The following KTN1 variants were observed in gnomAD, a reference collection of about 807,000 sequenced individuals.
The protein encoded by KTN1 is kinectin.
KTN1 carries 130 observed loss-of-function variants against 222.5 expected under a neutral mutation model. The ratio of observed to expected loss-of-function variants is 0.58; its 90% CI spans 0.51 to 0.68. The LOEUF is 0.68. KTN1 is among the 30% of genes least tolerant of loss of function. The pLI is 0.00. For synonymous variants in KTN1, 512 were observed against 496.3 expected, an observed-to-expected ratio of 1.03 and a Z score of -0.42; for missense variants, 1,508 against 1,500.4, an observed-to-expected ratio of 1.01 and a Z score of -0.08.
chr14:55,649,187 A>G (rs1363802878), intron 21 of KTN1, among the ~76,000 whole-genome samples: 3 of 152,168 alleles, frequency 2.0e-5, no homozygotes, highest in African/African-American at 7.2e-5. Flanking sequence ...TTAGCTTCCT[A>G]AAGTGTTGGA....
At position 55,618,109 on chromosome 14, in the gene KTN1, A is replaced by C; in HGVS notation, c.807A>C (p.Lys269Asn). 1 of 1,611,914 alleles carries C rather than the reference A, an allele frequency of 6.2e-7. No homozygotes were observed. Among genetic ancestry groups the C allele is most frequent in the Non-Finnish European group, 8.5e-7 (1 of 1,179,156 alleles). ...QVEGIQKSGT[K>N]KLKTETDKEN... is the part of the protein sequence containing the mutation. ...AAGGGATCCAGAAATCTGGGACTAA[A>C]AAACTGAAGACCGAAACTGACAAAG... Residue 269 changes from lysine (K) to asparagine (N), a missense_variant, in exon 4 of 44, where the codon AAA (lysine) becomes AAC (asparagine). Transcript: ENST00000395314.
At chr14:55,655,163 G>A (rs1397187791) in intron 28 of KTN1, among the ~76,000 whole-genome samples, 1 of 151,856 alleles carries the variant, frequency 6.6e-6, no homozygotes, top group African/African-American at 2.4e-5. Flanking sequence ...TAATTTTTTA[G>A]AAACAGAGTC....
intron 39 of KTN1, 60 bp downstream of exon 39, chr14:55,673,072 G>C: frequency 6.6e-7 from 1 of 1,510,084 alleles, no homozygotes; most frequent in Non-Finnish European, 9.2e-7. Flanking sequence ...TTATAACAGT[G>C]ATATTTCAGT....
At chr14:55,586,541 T>TAATTA (rs2033037581) in intron 1 of KTN1, among the ~76,000 whole-genome samples, 1 of 152,192 alleles carries the variant, frequency 6.6e-6, no homozygotes, top group Non-Finnish European at 1.5e-5. Flanking sequence ...GCCTGAATTT[T>TAATTA]AACTGAGGCA....
intron 15 of KTN1, 62 bp downstream of exon 15, chr14:55,640,504 A>G: frequency 8.5e-7 from 1 of 1,169,680 alleles, no homozygotes; most frequent in Non-Finnish European, 1.3e-6. Context: ...TCTTATTTTC[A>G]TTGATATTGT....
Position 55,637,201 on chromosome 14 carries a change from T to G in KTN1, c.1553T>G (p.Leu518Ter). 6.3e-7 allele frequency: 1 copy of G among 1,597,852 alleles called. No homozygotes were observed. Among genetic ancestry groups the G allele is most frequent in the East Asian group, 2.2e-5 (1 of 44,588 alleles). ...TAEHEAAQQDLQSKFVAKENE... is the reference protein window; with the variant it reads ...TAEHEAAQQD ...AAAATGTAATGTTTTATTACAGATT[T>G]ACAGAGTAAATTTGTGGCCAAAGAA... is the stretch of plus-strand genomic sequence containing the variant. Residue 518 changes from leucine to a stop codon, truncating the protein, a stop_gained, in exon 11 of 44, where the codon TTA becomes TGA. Transcript: ENST00000395314. LOFTEE classifies it high-confidence loss of function.
In KTN1 at chr14:55,628,509, A is replaced by G. The variant is rs964838914; in HGVS notation, c.1080+481A>G. On this transcript the variant is annotated intron_variant, in intron 6 of 43. Coordinates refer to ENST00000395314, the MANE Select transcript of KTN1 (RefSeq NM_001079521.2). ...ATAGTAAAAAATACCAGAAAAGCCA[A>G]TCTTTAAAACATCATGAAACTGAGA... 4.6e-5 allele frequency among the ~76,000 whole-genome samples: 7 copies of G among 152,348 alleles called. No individual in the cohort carries two copies. In the South Asian group the frequency reaches 1.2e-3, roughly 27 times the overall value.
intron 35 of KTN1, 60 bp from the exon 36 acceptor site, chr14:55,671,506 C>T (rs2045445985): frequency 7.8e-7 from 1 of 1,277,862 alleles, no homozygotes; most frequent in South Asian, 1.3e-5. Context: ...CTAAAACAAA[C>T]TTGAAGCATA....
intron 41 of KTN1, among the ~76,000 whole-genome samples, chr14:55,677,328 T>G (rs958761502): frequency 1.3e-4 from 20 of 151,858 alleles, no homozygotes; most frequent in African/African-American, 3.9e-4. Flanking sequence ...AATACAAAAA[T>G]TAGCCGGGTG....
chr14:55,680,841 G>T, intron 43 of KTN1: 1 of 569,372 alleles, frequency 1.8e-6, no homozygotes, highest in Non-Finnish European at 3.0e-6. Context: ...TTTTATCCTT[G>T]GTAAGCTGAC....
chr14:55,679,969 C>G (rs182903759), intron 43 of KTN1: 24 of 354,484 alleles, frequency 6.8e-5, no homozygotes, highest in Non-Finnish European at 1.1e-4. Flanking sequence ...GCCTTAATAC[C>G]TGCAACGGCT....
chr14:55,658,262 G>T lies in KTN1; in HGVS notation c.2893-284G>T, dbSNP rs1469614345. Among the ~76,000 whole-genome samples, 3 of 152,132 alleles carry T rather than the reference G, an allele frequency of 2.0e-5. No individual in the cohort carries two copies. In the East Asian group the frequency reaches 5.8e-4, roughly 29 times the overall value. ...ATATGAAACCCAAAATGTTACTAGA[G>T]TTGAGGTTGATTTGAAATGTCACTT... On this transcript the variant is annotated intron_variant, in intron 29 of 43. Coordinates refer to ENST00000395314, the MANE Select transcript of KTN1 (RefSeq NM_001079521.2).
At chr14:55,658,454 C>G (rs955539468) in intron 29 of KTN1, 92 bp from the exon 30 acceptor site, 3 of 756,644 alleles carry the variant, frequency 4.0e-6, no homozygotes, top group Non-Finnish European at 4.6e-6. Flanking sequence ...TGGAATTTTT[C>G]TAGCTTGTAT....
chr14:55,677,980 G>A (rs2046030602), intron 41 of KTN1, among the ~76,000 whole-genome samples: 1 of 152,348 alleles, frequency 6.6e-6, no homozygotes, highest in South Asian at 2.1e-4. Flanking sequence ...TTACAGGCGT[G>A]AGCCACCGCG....
intron 20 of KTN1, 86 bp from the exon 21 acceptor site, chr14:55,648,716 A>C (rs954871649): frequency 9.1e-6 from 8 of 881,272 alleles, no homozygotes; most frequent in Non-Finnish European, 1.3e-5. Context: ...AGAAGCAGCT[A>C]AAGAAATGAG....
chr14:55,607,805 C>A (rs981137745), intron 1 of KTN1, among the ~76,000 whole-genome samples: 1 of 152,100 alleles, frequency 6.6e-6, no homozygotes, highest in Non-Finnish European at 1.5e-5. Flanking sequence ...AGTGGGAAGA[C>A]CTCTGGAGTT....
At chr14:55,663,891 A>G (rs1231836491) in intron 32 of KTN1, 64 bp from the exon 33 acceptor site, 3 of 1,211,872 alleles carry the variant, frequency 2.5e-6, no homozygotes, top group African/African-American at 1.5e-5. Flanking sequence ...ATACTGATGA[A>G]GTAAAAAAGC....
At chr14:55,642,376 T>C (rs1002667766) in intron 18 of KTN1, among the ~76,000 whole-genome samples, 9 of 152,170 alleles carry the variant, frequency 5.9e-5, no homozygotes, top group African/African-American at 1.7e-4. Flanking sequence ...TTTATATTTA[T>C]AGCAAGACAT....
chr14:55,641,066 A>G, intron 16 of KTN1, 61 bp from the exon 17 acceptor site: 1 of 1,478,842 alleles, frequency 6.8e-7, no homozygotes, highest in Non-Finnish European at 9.4e-7. Context: ...AGTTGTGCCC[A>G]TAATTCTTGT....
Sources: allele counts gnomAD v4.1 joint callset (sites outside exome capture counted in the v4.1 genomes callset), GRCh38; gene constraint gnomAD v4.1.1; transcripts MANE v1.5; gene names NCBI Gene and HGNC (gene_info 2026-07-23, HGNC 2026-07-21).